The following NRG1 variants were observed in gnomAD, a reference collection of about 807,000 sequenced individuals.
NRG1 encodes the protein neuregulin 1.
A neutral mutation model predicts 63.8 loss-of-function variants in NRG1; 18 were observed. The observed-to-expected ratio is 0.28, with a 90% confidence interval of 0.19 to 0.42. The LOEUF (loss-of-function observed/expected upper bound fraction) is 0.42. NRG1 is among the 10% of genes least tolerant of loss of function. NRG1 has a pLI of 1.00. For missense variants in NRG1, 762 were observed against 814.7 expected, an observed-to-expected ratio of 0.94 and a Z score of 0.79; for synonymous variants, 302 against 301.3, an observed-to-expected ratio of 1.00 and a Z score of -0.02.
chr8:32,202,032 G>A (rs1028906921), intron 1 of NRG1, among the ~76,000 whole-genome samples: 12 of 152,278 alleles, frequency 7.9e-5, no homozygotes, highest in Middle Eastern at 3.4e-3. Flanking sequence ...TGATTAGCTC[G>A]TTGAGTGTTA....
intron 1 of NRG1, among the ~76,000 whole-genome samples, chr8:32,465,096 A>G (rs966507071): frequency 2.0e-5 from 3 of 152,316 alleles, no homozygotes; most frequent in South Asian, 2.1e-4. Flanking sequence ...AATCGCTTGA[A>G]TCTGGGAGGC....
chr8:32,371,327 C>T (rs368547765), intron 1 of NRG1, among the ~76,000 whole-genome samples: 1 of 152,308 alleles, frequency 6.6e-6, no homozygotes, highest in South Asian at 2.1e-4. Context: ...ACATGACCAT[C>T]GTAAGGTCTT....
At chr8:32,590,552 A>G (rs1271956634) in intron 1 of NRG1, among the ~76,000 whole-genome samples, 4 of 152,326 alleles carry the variant, frequency 2.6e-5, no homozygotes, top group Admixed American at 6.5e-5. Flanking sequence ...TTGCACTTTT[A>G]AAATTCGAGT....
At chr8:32,427,791 T>C (rs901013227) in intron 1 of NRG1, among the ~76,000 whole-genome samples, 2 of 152,168 alleles carry the variant, frequency 1.3e-5, no homozygotes, top group African/African-American at 4.8e-5. Flanking sequence ...TGGAGAAATA[T>C]GCTCAGTGTC....
At chr8:31,878,852 C>T (rs1023842441) in intron 1 of NRG1, among the ~76,000 whole-genome samples, 1 of 152,092 alleles carries the variant, frequency 6.6e-6, no homozygotes, top group Non-Finnish European at 1.5e-5. Context: ...TTCATTGAAG[C>T]CACAAAGGGA....
intron 1 of NRG1, among the ~76,000 whole-genome samples, chr8:32,380,456 T>A (rs1292487583): frequency 6.6e-6 from 1 of 152,066 alleles, no homozygotes; most frequent in Non-Finnish European, 1.5e-5. Flanking sequence ...TCAAGCATAG[T>A]CTCTCCCCTG....
chr8:32,393,533 C>T (rs1179488964), intron 1 of NRG1, among the ~76,000 whole-genome samples: 1 of 152,148 alleles, frequency 6.6e-6, no homozygotes, highest in African/African-American at 2.4e-5. Flanking sequence ...TACATATATA[C>T]CATGGAATAC....
At chr8:32,345,961 T>C (rs930333063) in intron 1 of NRG1, among the ~76,000 whole-genome samples, 3 of 151,618 alleles carry the variant, frequency 2.0e-5, no homozygotes, top group Non-Finnish European at 2.9e-5. Context: ...TGAGCCAAGA[T>C]GGCACCACTG....
chr8:32,157,652 ATATATATTTT>A (rs1270005017), intron 1 of NRG1, among the ~76,000 whole-genome samples: 1 of 149,504 alleles, frequency 6.7e-6, no homozygotes, highest in African/African-American at 2.4e-5. Context: ...ATCTCAAAAT[ATATATATTTT>A]TATATATTTT....
intron 1 of NRG1, among the ~76,000 whole-genome samples, chr8:32,569,499 G>A (rs973736152): frequency 6.6e-6 from 1 of 152,066 alleles, no homozygotes; most frequent in African/African-American, 2.4e-5. Flanking sequence ...TTAACTTTCT[G>A]TCTATTTTCT....
chr8:32,630,793 G>A (rs1850143805), intron 5 of NRG1, among the ~76,000 whole-genome samples: 1 of 150,238 alleles, frequency 6.7e-6, no homozygotes, highest in Non-Finnish European at 1.5e-5. Flanking sequence ...TTTAAAGCAT[G>A]CAGCCTCTTG....
chr8:32,614,856 A>G (rs116284841), intron 4 of NRG1, among the ~76,000 whole-genome samples: 268 of 152,234 alleles, frequency 1.8e-3, no homozygotes, highest in African/African-American at 6.3e-3. Flanking sequence ...CTGAGTTACA[A>G]GCTCAGTTTT....
intron 5 of NRG1, among the ~76,000 whole-genome samples, chr8:32,714,141 A>G (rs574745581): frequency 6.6e-6 from 1 of 152,286 alleles, no homozygotes; most frequent in African/African-American, 2.4e-5. Flanking sequence ...AAATATTTTG[A>G]TGCTATGAAT....
chr8:32,642,915 G>A (rs775647224), intron 5 of NRG1, among the ~76,000 whole-genome samples: 24 of 152,256 alleles, frequency 1.6e-4, no homozygotes, highest in East Asian at 1.2e-3. Flanking sequence ...TGGAGCTACC[G>A]TACATTCTTC....
chr8:31,741,509 TA>T (rs1291181592), intron 1 of NRG1, among the ~76,000 whole-genome samples: 2 of 151,768 alleles, frequency 1.3e-5, no homozygotes, highest in South Asian at 2.1e-4. Flanking sequence ...CCAGAATACA[TA>T]AGGAACATCT....
chr8:31,749,495 T>C (rs1294611116), intron 1 of NRG1, among the ~76,000 whole-genome samples: 1 of 151,852 alleles, frequency 6.6e-6, no homozygotes, highest in East Asian at 1.9e-4. Context: ...ATTCAAAGTA[T>C]GTAGTATGTA....
intron 1 of NRG1, among the ~76,000 whole-genome samples, chr8:32,455,257 C>T (rs939602907): frequency 3.9e-5 from 6 of 152,102 alleles, no homozygotes; most frequent in South Asian, 2.1e-4. Flanking sequence ...CAGTTTTCTG[C>T]GGGAATGAAA....
At chr8:32,605,000 A>C (rs1306348925) in intron 2 of NRG1, among the ~76,000 whole-genome samples, 1 of 152,200 alleles carries the variant, frequency 6.6e-6, no homozygotes, top group Non-Finnish European at 1.5e-5. Context: ...AGCAATGAGA[A>C]TCTTAAGGAA....
At chr8:31,996,964 C>A (rs1812085923) in intron 1 of NRG1, among the ~76,000 whole-genome samples, 5 of 151,958 alleles carry the variant, frequency 3.3e-5, no homozygotes, top group Admixed American at 3.3e-4. Context: ...TCTTTAAATT[C>A]TATACAATAG....
Sources: allele counts gnomAD v4.1 joint callset (sites outside exome capture counted in the v4.1 genomes callset), GRCh38; gene constraint gnomAD v4.1.1; transcripts MANE v1.5; gene names NCBI Gene and HGNC (gene_info 2026-07-23, HGNC 2026-07-21).